Variants in EDRF1 observed in about 807,000 individuals in gnomAD.
EDRF1 encodes the protein erythroid differentiation-related factor 1.
EDRF1 carries 69 observed loss-of-function variants against 148.7 expected under a neutral mutation model. That is an observed-to-expected ratio of 0.46 (90% CI 0.38 to 0.57). The LOEUF (loss-of-function observed/expected upper bound fraction) is 0.57, where lower values mean the gene tolerates loss of function less well. Ranked by LOEUF, EDRF1 falls within the 20% of genes least tolerant of loss-of-function variation. The pLI is 0.00. For missense variants in EDRF1, 1,118 were observed against 1,478.7 expected, an observed-to-expected ratio of 0.76 and a Z score of 4.00; for synonymous variants, 515 against 532.8, an observed-to-expected ratio of 0.97 and a Z score of 0.46.
intron 22 of EDRF1, among the ~76,000 whole-genome samples, chr10:125,751,412 T>TG (rs796207646): frequency 7.3e-4 from 110 of 151,206 alleles, no homozygotes; most frequent in Non-Finnish European, 1.2e-3. Flanking sequence ...GTGTTTTTTT[T>TG]TTTGTTTTTT....
In EDRF1 at chr10:125,748,132, C is replaced by G. The variant is rs1283124165; in HGVS notation, c.3123+120C>G. 3 of 1,213,304 alleles carry G rather than the reference C, an allele frequency of 2.5e-6. No individual in the cohort carries two copies. In the African/African-American group the frequency reaches 4.5e-5, roughly 18 times the overall value. The allele number at this position is 1,213,304 out of a possible 1,614,324, so 75.2% of individuals were successfully genotyped here. ...GACGTCCACTCAGGTGAACTGCTGT[C>G]CTAAATTTTCTGCTGCGTCTGTGCC... On this transcript the variant is annotated intron_variant, in intron 21 of 24. Coordinates refer to ENST00000356792, the MANE Select transcript of EDRF1 (RefSeq NM_001202438.2).
At chr10:125,755,439 T>C (rs901903922) in intron 24 of EDRF1, among the ~76,000 whole-genome samples, 5 of 152,254 alleles carry the variant, frequency 3.3e-5, no homozygotes, top group African/African-American at 1.2e-4. Context: ...GCATAGGGGA[T>C]AGTGGTCTAC....
At position 125,749,543 on chromosome 10, in the gene EDRF1, A is replaced by C; in HGVS notation, c.3255A>C (p.Ala1085=). 6.2e-7 allele frequency: 1 copy of C among 1,614,132 alleles called. No individual in the cohort carries two copies. Residue 1085 remains alanine, a synonymous_variant, in exon 22 of 25, where the codon GCA becomes GCC. Transcript: ENST00000356792. Reference sequence around the variant, plus strand: ...TTAGAGTACAGCTAGAGAGAGTAGCATTTGCTGAATTTCAGATGACCAGTA... The same window carrying C: ...TTAGAGTACAGCTAGAGAGAGTAGCCTTTGCTGAATTTCAGATGACCAGTA... The part of the protein sequence containing the change: ...ELLRVQLERV[A]FAEFQMTSQN...
At chr10:125,747,729 C>T in intron 20 of EDRF1, 35 bp downstream of exon 20, 2 of 1,612,824 alleles carry the variant, frequency 1.2e-6, no homozygotes, top group Non-Finnish European at 1.7e-6. Flanking sequence ...AATAAGTTCT[C>T]AATCTAATTC....
rs534821372 is a variant in EDRF1 at position 125,754,517 on chromosome 10, T to C, written c.3545+672T>C. On this transcript the variant is annotated intron_variant, in intron 24 of 24. Coordinates refer to ENST00000356792, the MANE Select transcript of EDRF1 (RefSeq NM_001202438.2). ...GAGGGTCTCGACTGGAGTTTGATGC[T>C]CAGGGCCAAGTGCACTGCAGAATAG... Among the ~76,000 whole-genome samples, 6 of 152,310 alleles carry C rather than the reference T, an allele frequency of 3.9e-5. No individual in the cohort carries two copies. In the South Asian group the frequency reaches 1.2e-3, roughly 32 times the overall value.
In EDRF1 at chr10:125,741,067, C is replaced by G. The variant is rs1261946766; in HGVS notation, c.2237C>G (p.Thr746Arg). ...CTGTTGTTTCTCTCTCAATATTTGA[C>G]ACTTTGTGGTGATATCCAACTAATG... ...EVLLFLSQYL[T>R]LCGDIQLMLA... is the part of the protein sequence containing the mutation. The change falls in exon 17 of 25, where the codon ACA (threonine) becomes AGA (arginine). Residue 746 changes from threonine (T) to arginine (R), a missense_variant. Thr to Arg is a moderately conservative substitution (Grantham distance 71). Around this residue, in one of 3 missense-constraint regions of EDRF1, gnomAD observed 954 missense variants for 1,241.4 expected, o/e 0.77. Transcript: ENST00000356792. 1.8e-5 allele frequency: 29 copies of G among 1,614,100 alleles called. No homozygotes were observed. The highest frequency in any genetic ancestry group is 2.5e-5 in the Non-Finnish European group (29 of 1,180,024).
At chr10:125,750,759 A>G (rs1849595368) in intron 22 of EDRF1, among the ~76,000 whole-genome samples, 1 of 152,216 alleles carries the variant, frequency 6.6e-6, no homozygotes, top group South Asian at 2.1e-4. Flanking sequence ...GGTTTTTACT[A>G]AAACTAATTT....
At chr10:125,749,678 C>A in intron 22 of EDRF1, 113 bp downstream of exon 22, 2 of 1,317,818 alleles carry the variant, frequency 1.5e-6, no homozygotes, top group Admixed American at 3.7e-5. Context: ...TTAATTTGCC[C>A]CATAGTTAAT....
intron 24 of EDRF1, among the ~76,000 whole-genome samples, chr10:125,758,117 ATC>A (rs1458255304): frequency 6.6e-6 from 1 of 152,056 alleles, no homozygotes; most frequent in Non-Finnish European, 1.5e-5. Flanking sequence ...GTTTTGTGTC[ATC>A]TACAGTTGAA....
chr10:125,742,757 G>A, intron 17 of EDRF1: 10 of 984,996 alleles, frequency 1.0e-5, no homozygotes, highest in Non-Finnish European at 1.2e-5. Flanking sequence ...TGTATTAGTG[G>A]ACAACTTTAG....
intron 24 of EDRF1, chr10:125,756,659 T>C: frequency 3.2e-6 from 1 of 313,298 alleles, no homozygotes. Context: ...AGAACTGACC[T>C]CCTTATTACT....
rs572121606 is a variant in EDRF1 at position 125,726,083 on chromosome 10, G to C, written c.792+245G>C. Among the ~76,000 whole-genome samples the C allele has an allele frequency of 7.9e-5, 12 of 152,130 alleles. No individual in the cohort carries two copies. In the South Asian group the frequency reaches 1.0e-3, roughly 13 times the overall value. On this transcript the variant is annotated intron_variant, in intron 6 of 24. Transcript: ENST00000356792. Reference sequence around the variant, plus strand: ...TTTTTTATTAAATCGAAATATAATAGTTGACTGATATGTTTATTAATACTG... The same window carrying C: ...TTTTTTATTAAATCGAAATATAATACTTGACTGATATGTTTATTAATACTG...
intron 4 of EDRF1, among the ~76,000 whole-genome samples, chr10:125,724,922 G>C (rs1450523370): frequency 6.6e-6 from 1 of 152,168 alleles, no homozygotes; most frequent in Non-Finnish European, 1.5e-5. Context: ...CCACCGTTTA[G>C]TTCATCATGT....
chr10:125,720,368 A>G (rs1467015625), intron 1 of EDRF1, among the ~76,000 whole-genome samples: 4 of 152,108 alleles, frequency 2.6e-5, no homozygotes, highest in African/African-American at 4.8e-5. Context: ...CGAACCCCCA[A>G]TGCCTTTCTA....
chr10:125,746,023 A>C, intron 19 of EDRF1, 93 bp downstream of exon 19: 2 of 1,179,070 alleles, frequency 1.7e-6, no homozygotes, highest in Non-Finnish European at 2.5e-6. Flanking sequence ...TAAAACTAAA[A>C]ATAATTAAAC....
At chr10:125,723,454 CA>C (rs1848098872) in intron 3 of EDRF1, among the ~76,000 whole-genome samples, 1 of 152,162 alleles carries the variant, frequency 6.6e-6, no homozygotes, top group South Asian at 2.1e-4. Flanking sequence ...AGTTGAGTTA[CA>C]AATGATATTT....
chr10:125,760,144 A>G (rs1192934419), intron 24 of EDRF1, among the ~76,000 whole-genome samples: 2 of 152,264 alleles, frequency 1.3e-5, no homozygotes, highest in African/African-American at 4.8e-5. Context: ...CAGATACTGC[A>G]TATGGTAACA....
chr10:125,740,239 C>A (rs1848945381), intron 15 of EDRF1, among the ~76,000 whole-genome samples: 1 of 152,198 alleles, frequency 6.6e-6, no homozygotes, highest in Non-Finnish European at 1.5e-5. Flanking sequence ...AAGAGAATGA[C>A]AGAGTTGCCG....
intron 4 of EDRF1, among the ~76,000 whole-genome samples, chr10:125,724,740 CATT>C (rs948525221): frequency 2.0e-5 from 3 of 152,154 alleles, no homozygotes; most frequent in Non-Finnish European, 2.9e-5. Flanking sequence ...AACATAATAA[CATT>C]GTTGCAGTTT....
Sources: gnomAD v4.1 joint callset for allele counts (sites outside exome capture counted in the v4.1 genomes callset) on GRCh38, gnomAD v4.1.1 for gene constraint, gnomAD v4.1.1 regional missense constraint, MANE v1.5 for transcripts, NCBI Gene and HGNC (gene_info 2026-07-23, HGNC 2026-07-21) for gene names.